The following MRNIP variants were observed in gnomAD, a reference collection of about 807,000 sequenced individuals.
MRNIP encodes MRN complex-interacting protein.
Under a neutral mutation model 29.8 loss-of-function variants are expected in MRNIP, and 30 were observed. The ratio of observed to expected loss-of-function variants is 1.01; its 90% CI spans 0.75 to 1.36. The LOEUF is 1.36. Ranked by LOEUF, MRNIP falls within the 40% of genes most tolerant of loss-of-function variation. The pLI is 0.00. For synonymous variants in MRNIP, 201 were observed against 164.1 expected (o/e 1.23, Z -1.72); for missense variants, 459 against 423.5 (o/e 1.08, Z -0.74).
chr5:179,844,112 GAC>G (rs1430299044), intron 4 of MRNIP, 38 bp downstream of exon 4: 3 of 1,562,728 alleles, frequency 1.9e-6, no homozygotes, highest in Non-Finnish European at 2.6e-6. Flanking sequence ...TCCCTTCCCT[GAC>G]ACAGAGCCAG....
In MRNIP at chr5:179,837,768, T is replaced by C. The variant is rs751804819; in HGVS notation, c.655A>G (p.Ile219Val). 1 of 1,614,224 alleles carries C rather than the reference T, an allele frequency of 6.2e-7. No individual in the cohort carries two copies. The highest frequency in any genetic ancestry group is 8.5e-7 in the Non-Finnish European group (1 of 1,180,040). Residue 219 changes from isoleucine to valine, a missense_variant, in exon 7 of 7, where the codon ATC (isoleucine) becomes GTC (valine). Transcript: ENST00000292586. ...GAGGATGTGGCTGTAACCTGCTGGA[T>C]GGGACTCCATAGCTCCTTCCCAGGA... is the stretch of plus-strand genomic sequence containing the variant. ...RGPGKELWSPIQQVTATSSKW... is the reference protein window; with the variant it reads ...RGPGKELWSPVQQVTATSSKW...
At chr5:179,856,831 C>T (rs758643955) in intron 1 of MRNIP, among the ~76,000 whole-genome samples, 7 of 151,854 alleles carry the variant, frequency 4.6e-5, no homozygotes, top group South Asian at 2.1e-4. Flanking sequence ...GGCTCACACC[C>T]GTAGTCCCGG....
intron 2 of MRNIP, chr5:179,851,298 T>C (rs1248230561): frequency 2.2e-6 from 1 of 455,942 alleles, no homozygotes; most frequent in Non-Finnish European, 4.4e-6. Context: ...GGACCAGAGG[T>C]GGGCATCCGA....
chr5:179,858,011 C>CAAAAAAA (rs762726244), intron 1 of MRNIP, among the ~76,000 whole-genome samples: 48 of 77,266 alleles, frequency 6.2e-4, no homozygotes, highest in African/African-American at 1.6e-3. Flanking sequence ...AACTCCGTCT[C>CAAAAAAA]AAAAAAAAAA....
intron 4 of MRNIP, among the ~76,000 whole-genome samples, chr5:179,843,086 G>A (rs1758982556): frequency 7.1e-6 from 1 of 141,322 alleles, no homozygotes; most frequent in Non-Finnish European, 1.6e-5. Flanking sequence ...AGGGAGGCAG[G>A]CAAGCAGGCA....
Position 179,847,962 on chromosome 5 carries a change from T to C in MRNIP, c.215+16A>G. The C allele has an allele frequency of 1.3e-6, 2 of 1,574,854 alleles. No homozygotes were observed. The highest frequency in any genetic ancestry group is 3.4e-4 in the Middle Eastern group (2 of 5,930). On this transcript the variant is annotated intron_variant, in intron 3 of 6. Coordinates refer to ENST00000292586, the MANE Select transcript of MRNIP (RefSeq NM_016175.4). The stretch of plus-strand genomic sequence containing the variant: ...AAACAGGGCAAGACAACCACGCTCT[T>C]CTCAAACAACTGTACCTGAGTGGCA...
intron 1 of MRNIP, among the ~76,000 whole-genome samples, chr5:179,858,034 G>C (rs1026979477): frequency 6.8e-6 from 1 of 146,096 alleles, no homozygotes; most frequent in East Asian, 1.9e-4. Context: ...AAAAGAAGAA[G>C]AAGTCTGATG....
At chr5:179,842,704 A>G (rs1758941675) in intron 4 of MRNIP, among the ~76,000 whole-genome samples, 1 of 35,312 alleles carries the variant, frequency 2.8e-5, no homozygotes, top group South Asian at 1.2e-3. Context: ...CGTCTCAAAA[A>G]AAAAAAAAAA....
chr5:179,857,250 CAA>C (rs1272569589), intron 1 of MRNIP, among the ~76,000 whole-genome samples: 7 of 151,888 alleles, frequency 4.6e-5, no homozygotes, highest in African/African-American at 1.5e-4. Flanking sequence ...ATCACGAGGT[CAA>C]GAGATGGAGA....
At chr5:179,844,435 G>T in intron 3 of MRNIP, 1 of 487,992 alleles carries the variant, frequency 2.0e-6, no homozygotes, top group Non-Finnish European at 3.7e-6. Flanking sequence ...GAACCCGGAA[G>T]GCAGAGGCTG....
At chr5:179,848,874 G>C (rs1386680671) in intron 2 of MRNIP, among the ~76,000 whole-genome samples, 1 of 152,202 alleles carries the variant, frequency 6.6e-6, no homozygotes, top group Non-Finnish European at 1.5e-5. Context: ...TGAAGACCCT[G>C]AGCCTGAAAT....
In MRNIP at chr5:179,841,926, G is replaced by A. The variant is rs868686059; in HGVS notation, c.430C>T (p.Gln144Ter). ...TGGTACCTTTTTCTAGGCAGGTCTTGACTGAAGCGGGGGCCTGGCTCCTCC... is the reference window on the plus strand; with the variant it reads ...TGGTACCTTTTTCTAGGCAGGTCTTAACTGAAGCGGGGGCCTGGCTCCTCC... ...KMEEPGPRFS[Q>*]DLPRKRKWSR... Residue 144 changes from glutamine (Q) to a stop codon, truncating the protein, a stop_gained, in exon 5 of 7, where the codon CAA (glutamine) becomes TAA (stop). Coordinates refer to ENST00000292586, the MANE Select transcript of MRNIP (RefSeq NM_016175.4). LOFTEE classifies it high-confidence loss of function. 1.2e-6 allele frequency: 2 copies of A among 1,613,966 alleles called. No individual in the cohort carries two copies. Among genetic ancestry groups the A allele is most frequent in the African/African-American group, 1.3e-5 (1 of 75,032 alleles).
intron 1 of MRNIP, among the ~76,000 whole-genome samples, chr5:179,855,202 T>A (rs1750546239): frequency 6.6e-6 from 1 of 152,152 alleles, no homozygotes; most frequent in Non-Finnish European, 1.5e-5. Flanking sequence ...TGGAGTGCAA[T>A]GGTGAGATCT....
chr5:179,857,060 C>A (rs1038445355), intron 1 of MRNIP, among the ~76,000 whole-genome samples: 3 of 152,132 alleles, frequency 2.0e-5, no homozygotes, highest in African/African-American at 7.2e-5. Context: ...GCACTCCAAT[C>A]TGGGCGACAA....
Position 179,837,386 on chromosome 5 carries a change from C to A in MRNIP, c.*5G>T. On this transcript the variant is annotated 3_prime_UTR_variant, in exon 7 of 7. Transcript: ENST00000292586. Reference sequence around the variant, plus strand: ...TATCTCGATTAATAACCTGCCAGTCCCAGATCACACATCATCATCGAAGTC... The same window carrying A: ...TATCTCGATTAATAACCTGCCAGTCACAGATCACACATCATCATCGAAGTC... 2 of 1,586,428 alleles carry A rather than the reference C, an allele frequency of 1.3e-6. No homozygotes were observed. Among genetic ancestry groups the A allele is most frequent in the Non-Finnish European group, 8.6e-7 (1 of 1,164,776 alleles).
intron 1 of MRNIP, among the ~76,000 whole-genome samples, chr5:179,853,815 GA>G (rs1759474085): frequency 6.6e-6 from 1 of 151,844 alleles, no homozygotes; most frequent in Non-Finnish European, 1.5e-5. Flanking sequence ...AATTGGATCT[GA>G]AATTTTTTTT....
intron 2 of MRNIP, among the ~76,000 whole-genome samples, chr5:179,849,644 G>A (rs1278332510): frequency 6.7e-6 from 1 of 149,688 alleles, no homozygotes; most frequent in African/African-American, 2.5e-5. Context: ...CAGGCAGATG[G>A]TAAGAGATGG....
At chr5:179,854,951 T>C (rs910387707) in intron 1 of MRNIP, among the ~76,000 whole-genome samples, 13 of 152,186 alleles carry the variant, frequency 8.5e-5, no homozygotes, top group Non-Finnish European at 1.9e-4. Context: ...TTGCCCGCTA[T>C]TATTTACCAT....
chr5:179,856,541 C>G (rs1427715679), intron 1 of MRNIP, among the ~76,000 whole-genome samples: 1 of 152,210 alleles, frequency 6.6e-6, no homozygotes, highest in Non-Finnish European at 1.5e-5. Context: ...GTGAACACGG[C>G]TCACTGCAAC....
Sources: gnomAD v4.1 joint callset for allele counts (sites outside exome capture counted in the v4.1 genomes callset) on GRCh38, gnomAD v4.1.1 for gene constraint, MANE v1.5 for transcripts, NCBI Gene and HGNC (gene_info 2026-07-23, HGNC 2026-07-21) for gene names.